Variants in SLC9A9 observed in about 807,000 individuals in gnomAD.
The protein encoded by SLC9A9 is solute carrier family 9 member A9, also known as sodium/hydrogen exchanger 9.
A neutral mutation model predicts 77.8 loss-of-function variants in SLC9A9; 62 were observed. The ratio of observed to expected loss-of-function variants is 0.80; its 90% CI spans 0.65 to 0.98. The LOEUF is 0.98. Among genes scored for constraint, SLC9A9 ranks in the 50% least tolerant of loss-of-function variants. The pLI, the probability that SLC9A9 is intolerant of heterozygous loss-of-function variation, is 0.00. For synonymous variants in SLC9A9, 320 were observed against 283.5 expected (o/e 1.13, Z -1.29); for missense variants, 775 against 774.9 (o/e 1.00, Z 0.00).
chr3:143,538,429 G>A (rs560810682), intron 9 of SLC9A9, among the ~76,000 whole-genome samples: 2 of 152,270 alleles, frequency 1.3e-5, no homozygotes, highest in African/African-American at 2.4e-5. Context: ...ATGAATACAG[G>A]CAGTGTCGTA....
At chr3:143,386,387 G>A (rs2033427016) in intron 12 of SLC9A9, among the ~76,000 whole-genome samples, 1 of 152,182 alleles carries the variant, frequency 6.6e-6, no homozygotes, top group African/African-American at 2.4e-5. Context: ...GATGTCAAGA[G>A]AGTTGTTTGG....
At chr3:143,534,467 A>G (rs1049610160) in intron 9 of SLC9A9, among the ~76,000 whole-genome samples, 1 of 152,192 alleles carries the variant, frequency 6.6e-6, no homozygotes, top group African/African-American at 2.4e-5. Flanking sequence ...TCACTGCATT[A>G]GATGCCTCAC....
intron 11 of SLC9A9, among the ~76,000 whole-genome samples, chr3:143,467,720 G>C (rs887594085): frequency 2.1e-5 from 2 of 95,518 alleles, no homozygotes; most frequent in African/African-American, 6.6e-5. Context: ...ATAAGTCCCT[G>C]GCTCTAAAGA....
rs1314113809 is a variant in SLC9A9 at position 143,633,952 on chromosome 3, A to AGG, written c.755+18302_755+18303insCC. Among the ~76,000 whole-genome samples, 54 of 152,306 alleles carry AGG rather than the reference A, an allele frequency of 3.5e-4. No individual in the cohort carries two copies. The East Asian group carries it at 8.7e-3, about 24-fold the overall frequency. ...CCATTGCCCCACACTATCTATTAAA[A>AGG]CACCCAAACTGTTGCCTTTATATTG... On this transcript the variant is annotated intron_variant, in intron 6 of 15. Coordinates refer to ENST00000316549, the MANE Select transcript of SLC9A9 (RefSeq NM_173653.4).
intron 13 of SLC9A9, 151 bp from the exon 14 acceptor site, chr3:143,363,714 G>T: frequency 3.1e-6 from 2 of 651,724 alleles, no homozygotes; most frequent in Middle Eastern, 4.3e-4. Flanking sequence ...GCAGTTTCCA[G>T]GCAAATTAGC....
chr3:143,582,200 A>T (rs1183498430), intron 6 of SLC9A9, among the ~76,000 whole-genome samples: 1 of 152,160 alleles, frequency 6.6e-6, no homozygotes, highest in East Asian at 1.9e-4. Flanking sequence ...TGTGCCTCTT[A>T]ATTTGAGCCC....
intron 4 of SLC9A9, among the ~76,000 whole-genome samples, chr3:143,709,055 C>T (rs1457736009): frequency 2.0e-5 from 3 of 152,154 alleles, no homozygotes; most frequent in African/African-American, 7.2e-5. Context: ...CAGGGAGTCA[C>T]TACTGGAAAA....
intron 6 of SLC9A9, among the ~76,000 whole-genome samples, chr3:143,624,298 C>A (rs2038276833): frequency 1.3e-5 from 2 of 152,124 alleles, no homozygotes; most frequent in Non-Finnish European, 2.9e-5. Flanking sequence ...CAAAGCCTGG[C>A]AGAGACACAA....
At chr3:143,554,397 G>A (rs1353896940) in intron 8 of SLC9A9, among the ~76,000 whole-genome samples, 1 of 152,042 alleles carries the variant, frequency 6.6e-6, no homozygotes, top group Non-Finnish European at 1.5e-5. Context: ...GGGAAACTTT[G>A]GGACCACCCT....
intron 10 of SLC9A9, among the ~76,000 whole-genome samples, chr3:143,494,458 G>T (rs910115063): frequency 6.6e-6 from 1 of 152,156 alleles, no homozygotes; most frequent in Non-Finnish European, 1.5e-5. Flanking sequence ...TAAAATCCAG[G>T]TTTTGGATGA....
intron 9 of SLC9A9, among the ~76,000 whole-genome samples, chr3:143,541,068 C>A (rs966065146): frequency 6.6e-6 from 1 of 152,170 alleles, no homozygotes; most frequent in Non-Finnish European, 1.5e-5. Context: ...ATTTGACACC[C>A]CTTCCCCCAC....
chr3:143,597,928 C>T (rs1159345504), intron 6 of SLC9A9, among the ~76,000 whole-genome samples: 1 of 152,122 alleles, frequency 6.6e-6, no homozygotes, highest in Non-Finnish European at 1.5e-5. Flanking sequence ...GTGGCATATT[C>T]GGCACTGTGG....
chr3:143,651,485 T>C (rs1370987901), intron 6 of SLC9A9, among the ~76,000 whole-genome samples: 1 of 152,240 alleles, frequency 6.6e-6, no homozygotes, highest in African/African-American at 2.4e-5. Flanking sequence ...TTTGAAGTAA[T>C]TAACACCCAG....
In SLC9A9 at chr3:143,644,085, C is replaced by T. The variant is rs73867698; in HGVS notation, c.755+8170G>A. On this transcript the variant is annotated intron_variant, in intron 6 of 15. Transcript: ENST00000316549. Reference sequence around the variant, plus strand: ...AATGAGGCTAGCACTCAGAGACAATCGGGGCCAAGAGAGAAAAAGAACAGA... The same window carrying T: ...AATGAGGCTAGCACTCAGAGACAATTGGGGCCAAGAGAGAAAAAGAACAGA... 8.8e-3 allele frequency among the ~76,000 whole-genome samples: 1,344 copies of T among 152,136 alleles called. 12 individuals carry two copies. Among genetic ancestry groups the T allele is most frequent in the African/African-American group, 0.027 (1,107 of 41,512 alleles).
chr3:143,767,557 C>T (rs2007366249), intron 4 of SLC9A9, among the ~76,000 whole-genome samples: 1 of 152,130 alleles, frequency 6.6e-6, no homozygotes, highest in Non-Finnish European at 1.5e-5. Context: ...CCTGTAGCAT[C>T]ACACCTATTG....
rs540176592 is a variant in SLC9A9 at position 143,515,935 on chromosome 3, C to T, written c.1090-20487G>A. The stretch of plus-strand genomic sequence containing the variant: ...TTTCTCTTTTGTCTTTTCTCTTTCA[C>T]GGTTTGTATAAAATTGGAGTGATCT... On this transcript the variant is annotated intron_variant, in intron 9 of 15. Coordinates refer to ENST00000316549, the MANE Select transcript of SLC9A9 (RefSeq NM_173653.4). 5.3e-5 allele frequency among the ~76,000 whole-genome samples: 8 copies of T among 152,208 alleles called. No homozygotes were observed. In the South Asian group the frequency reaches 8.3e-4, roughly 16 times the overall value.
At position 143,386,379 on chromosome 3, in the gene SLC9A9, T is replaced by A. The variant is rs575949470; in HGVS notation, c.1470-4265A>T. Among the ~76,000 whole-genome samples the A allele has an allele frequency of 2.0e-5, 3 of 152,208 alleles. No homozygotes were observed. The South Asian group carries it at 6.2e-4, about 31-fold the overall frequency. Reference sequence around the variant, plus strand: ...TGTTCAAGGGTCAGTGAAACCCAGATGTCAAGAGAGTTGTTTGGAGCCAGA... The same window carrying A: ...TGTTCAAGGGTCAGTGAAACCCAGAAGTCAAGAGAGTTGTTTGGAGCCAGA... On this transcript the variant is annotated intron_variant, in intron 12 of 15. Coordinates refer to ENST00000316549, the MANE Select transcript of SLC9A9 (RefSeq NM_173653.4).
intron 12 of SLC9A9, among the ~76,000 whole-genome samples, chr3:143,384,568 G>C (rs901785905): frequency 6.6e-6 from 1 of 152,220 alleles, no homozygotes; most frequent in African/African-American, 2.4e-5. Context: ...TTTCACTAAA[G>C]TGGAATCTTT....
chr3:143,269,231 C>T (rs1937828143), intron 14 of SLC9A9, among the ~76,000 whole-genome samples: 1 of 152,200 alleles, frequency 6.6e-6, no homozygotes, highest in Non-Finnish European at 1.5e-5. Context: ...TGTAAATGTG[C>T]TCTTCCCATC....
Sources: allele counts gnomAD v4.1 joint callset (sites outside exome capture counted in the v4.1 genomes callset), GRCh38; gene constraint gnomAD v4.1.1; transcripts MANE v1.5; gene names NCBI Gene and HGNC (gene_info 2026-07-23, HGNC 2026-07-21).